The following RYR2 variants were observed in gnomAD, a reference collection of about 807,000 sequenced individuals.
RYR2 encodes ryanodine receptor 2.
Under a neutral mutation model 601.1 loss-of-function variants are expected in RYR2, and 227 were observed. The observed-to-expected ratio is 0.38, with a 90% CI of 0.34 to 0.42. The LOEUF (loss-of-function observed/expected upper bound fraction) is 0.42. RYR2 is among the 10% of genes least tolerant of loss of function. The pLI is 1.00. For synonymous variants in RYR2, 2,223 were observed against 2,175.1 expected (o/e 1.02, Z -0.61); for missense variants, 4,646 against 6,156.5 (o/e 0.75, Z 8.21).
intron 10 of RYR2, among the ~76,000 whole-genome samples, chr1:237,404,900 A>T (rs909621287): frequency 1.3e-5 from 2 of 152,198 alleles, no homozygotes; most frequent in Non-Finnish European, 2.9e-5. Context: ...TCAGAGCGCA[A>T]TGAAATAAGG....
chr1:237,768,243 C>T (rs1041716872), intron 84 of RYR2, among the ~76,000 whole-genome samples: 1 of 152,086 alleles, frequency 6.6e-6, no homozygotes, highest in Non-Finnish European at 1.5e-5. Flanking sequence ...AAATTCAAAT[C>T]GCTTTATTCA....
At chr1:237,825,127 C>A (rs1404714061) in intron 101 of RYR2, among the ~76,000 whole-genome samples, 1 of 152,176 alleles carries the variant, frequency 6.6e-6, no homozygotes, top group Non-Finnish European at 1.5e-5. Context: ...CCCCATCAAG[C>A]TACCATTGAC....
chr1:237,620,053 T>G (rs1338201059), intron 38 of RYR2, among the ~76,000 whole-genome samples: 1 of 152,196 alleles, frequency 6.6e-6, no homozygotes, highest in Non-Finnish European at 1.5e-5. Flanking sequence ...ATATGGTGAA[T>G]GCAGTGCATT....
At chr1:237,071,795 T>G (rs1204239896) in intron 1 of RYR2, among the ~76,000 whole-genome samples, 3 of 152,004 alleles carry the variant, frequency 2.0e-5, no homozygotes, top group Non-Finnish European at 2.9e-5. Context: ...CACCGAGGGG[T>G]GCCTGCCGAG....
Position 237,700,408 on chromosome 1 carries a change from C to T in RYR2, c.9308C>T (p.Pro3103Leu), listed in dbSNP as rs1208496897. The change falls in exon 65 of 105, where the codon CCA becomes CTA. Residue 3103 changes from proline to leucine, a missense_variant. This residue lies in a region of RYR2 where 1,497 missense variants were observed against 1,842.6 expected (regional missense o/e 0.81). Transcript: ENST00000366574. ...AATTACACCACAGTGGCCCTGCTGC[C>T]AATGCTGTCTTCATTATTTGAACAT... ...IINYTTVALL[P>L]MLSSLFEHIG... is the part of the protein sequence containing the mutation. 4 of 1,609,764 alleles carry T rather than the reference C, an allele frequency of 2.5e-6. No homozygotes were observed. Among genetic ancestry groups the T allele is most frequent in the African/African-American group, 1.3e-5 (1 of 74,798 alleles).
At chr1:237,540,731 AG>A (rs1558994230) in intron 25 of RYR2, among the ~76,000 whole-genome samples, 2 of 151,248 alleles carry the variant, frequency 1.3e-5, no homozygotes, top group African/African-American at 4.9e-5. Flanking sequence ...AAAAAAAAAA[AG>A]CATACTAGGA....
chr1:237,484,059 G>A (rs997707403), intron 17 of RYR2, among the ~76,000 whole-genome samples: 1 of 152,134 alleles, frequency 6.6e-6, no homozygotes, highest in African/African-American at 2.4e-5. Context: ...CTACTAATTA[G>A]CACTCAGCCG....
At chr1:237,639,240 T>A in intron 46 of RYR2, 39 bp downstream of exon 46, 1 of 1,518,818 alleles carries the variant, frequency 6.6e-7, no homozygotes. Context: ...TGATCCATAC[T>A]ACTTGATGTG....
chr1:237,572,895 A>G (rs1672844345), intron 29 of RYR2, among the ~76,000 whole-genome samples: 1 of 152,114 alleles, frequency 6.6e-6, no homozygotes, highest in African/African-American at 2.4e-5. Context: ...GCTTCCCAAA[A>G]AAGCTCCTTA....
In RYR2 at chr1:237,709,537, T is replaced by C. The variant is rs779316628; in HGVS notation, c.10200T>C (p.Ala3400=). 3.4e-5 allele frequency: 55 copies of C among 1,611,662 alleles called. No individual in the cohort carries two copies. In the Middle Eastern group the frequency reaches 8.2e-4, roughly 24 times the overall value. The change falls in exon 70 of 105, where the codon GCT becomes GCC. Residue 3400 remains alanine, a synonymous_variant. Transcript: ENST00000366574. ...PEAEELFRMV[A]EVFIYWSKSH... ...CAGAGGAGCTCTTCCGCATGGTGGC[T>C]GAAGTGTTTATCTACTGGTCGAAGT...
chr1:237,338,497 T>C (rs934359103), intron 3 of RYR2, among the ~76,000 whole-genome samples: 1 of 152,170 alleles, frequency 6.6e-6, no homozygotes, highest in Admixed American at 6.5e-5. Context: ...TGAGGATATA[T>C]ATAAATGCAA....
intron 19 of RYR2, among the ~76,000 whole-genome samples, 168 bp downstream of exon 19, chr1:237,493,255 CTAA>C (rs1015122972): frequency 7.4e-4 from 112 of 152,156 alleles, no homozygotes; most frequent in African/African-American, 2.7e-3. Flanking sequence ...ATCAGATGGG[CTAA>C]TAATAAATGA....
At position 237,424,160 on chromosome 1, in the gene RYR2, C is replaced by A. The variant is rs562907331; in HGVS notation, c.1005+912C>A. Among the ~76,000 whole-genome samples the A allele has an allele frequency of 4.7e-4, 71 of 152,172 alleles. 1 individual carries two copies. The South Asian group carries it at 0.014, about 31-fold the overall frequency. ...AATTGAGATGAGATTTGGGTGGGGA[C>A]ACAGAGCCAAACCATATCAATTGCA... On this transcript the variant is annotated intron_variant, in intron 12 of 104. Transcript: ENST00000366574.
intron 1 of RYR2, among the ~76,000 whole-genome samples, chr1:237,192,291 C>G (rs1680051458): frequency 6.6e-6 from 1 of 152,180 alleles, no homozygotes; most frequent in South Asian, 2.1e-4. Context: ...TCACTGCAAC[C>G]TCCGCCTCCT....
chr1:237,737,030 T>C, intron 79 of RYR2, among the ~76,000 whole-genome samples: 1 of 129,470 alleles, frequency 7.7e-6, no homozygotes, highest in East Asian at 1.9e-4. Context: ...CTGGGTGTTC[T>C]CTGCAGCTGA....
intron 12 of RYR2, among the ~76,000 whole-genome samples, chr1:237,433,836 C>T (rs751951350): frequency 2.4e-4 from 36 of 149,854 alleles, no homozygotes; most frequent in Non-Finnish European, 3.9e-4. Flanking sequence ...CCATATTTCC[C>T]ATGAAGAGTA....
chr1:237,233,540 T>C (rs1685216974), intron 1 of RYR2, among the ~76,000 whole-genome samples: 1 of 152,218 alleles, frequency 6.6e-6, no homozygotes, highest in Non-Finnish European at 1.5e-5. Flanking sequence ...TCTGTTTTTC[T>C]TGAGTGAATT....
At chr1:237,662,931 A>G (rs1271942083) in intron 56 of RYR2, among the ~76,000 whole-genome samples, 1 of 152,236 alleles carries the variant, frequency 6.6e-6, no homozygotes, top group Admixed American at 6.5e-5. Flanking sequence ...TGTTTGCCTC[A>G]TTAAGTGTGA....
At position 237,781,053 on chromosome 1, in the gene RYR2, CTTT is replaced by C. The variant is rs34168790; in HGVS notation, c.11881-503_11881-501del. ...TATATGTTCATTGTCGGTACAAATA[CTTT>C]TTTTTTTTCTGAGACCCAGTCTTGC... On this transcript the variant is annotated intron_variant, in intron 88 of 104. Transcript: ENST00000366574. 2.3e-4 allele frequency among the ~76,000 whole-genome samples: 34 copies of C among 148,866 alleles called. 1 individual carries two copies. In the East Asian group the frequency reaches 5.9e-3, roughly 26 times the overall value.
Sources: allele counts gnomAD v4.1 joint callset (sites outside exome capture counted in the v4.1 genomes callset), GRCh38; gene constraint gnomAD v4.1.1; regional missense constraint gnomAD v4.1.1; transcripts MANE v1.5; gene names NCBI Gene and HGNC (gene_info 2026-07-23, HGNC 2026-07-21).